Variants in SOX5 observed in about 807,000 individuals in gnomAD.
The protein encoded by SOX5 is transcription factor SOX-5.
Under a neutral mutation model 92.0 loss-of-function variants are expected in SOX5, and 9 were observed. The ratio of observed to expected loss-of-function variants is 0.10; its 90% CI spans 0.06 to 0.17. SOX5 has a LOEUF of 0.17. Ranked by LOEUF, SOX5 falls within the 10% of genes least tolerant of loss-of-function variation. The pLI is 1.00. For missense variants in SOX5, 642 were observed against 944.5 expected (o/e 0.68, Z 4.20); for synonymous variants, 344 against 336.3 (o/e 1.02, Z -0.25).
intron 1 of SOX5, among the ~76,000 whole-genome samples, chr12:24,488,872 A>G (rs889049234): frequency 3.9e-5 from 6 of 152,232 alleles, no homozygotes; most frequent in Non-Finnish European, 7.3e-5. Flanking sequence ...TCCACAAAGC[A>G]TCACAAGTTA....
intron 2 of SOX5, among the ~76,000 whole-genome samples, chr12:24,356,508 C>T (rs548844621): frequency 6.6e-5 from 10 of 152,132 alleles, no homozygotes; most frequent in Admixed American, 3.9e-4. Context: ...GCTGAAATAA[C>T]GAAATAAAAC....
At chr12:24,005,215 T>G (rs776392726) in intron 4 of SOX5, among the ~76,000 whole-genome samples, 2 of 151,970 alleles carry the variant, frequency 1.3e-5, no homozygotes, top group Non-Finnish European at 2.9e-5. Context: ...ATTGTATACA[T>G]AAAATTGGTG....
chr12:24,503,195 G>T (rs1384316308), intron 1 of SOX5, among the ~76,000 whole-genome samples: 4 of 152,092 alleles, frequency 2.6e-5, no homozygotes, highest in African/African-American at 9.7e-5. Context: ...ACAAAAAAAA[G>T]TATTATCTCT....
intron 4 of SOX5, among the ~76,000 whole-genome samples, chr12:24,087,386 C>A (rs1944130839): frequency 6.6e-6 from 1 of 152,030 alleles, no homozygotes; most frequent in East Asian, 1.9e-4. Flanking sequence ...TTGATTATGT[C>A]TCTTACCTTT....
intron 4 of SOX5, among the ~76,000 whole-genome samples, chr12:24,099,163 G>C (rs1209545617): frequency 6.6e-6 from 1 of 152,080 alleles, no homozygotes; most frequent in East Asian, 1.9e-4. Flanking sequence ...TTTTCTTTCT[G>C]TAATAATCCA....
At chr12:24,174,520 GA>G (rs776322517) in intron 4 of SOX5, among the ~76,000 whole-genome samples, 10 of 147,390 alleles carry the variant, frequency 6.8e-5, no homozygotes, top group South Asian at 6.5e-4. Flanking sequence ...GTGGGGGGGG[GA>G]ACCCACAAAA....
intron 6 of SOX5, among the ~76,000 whole-genome samples, chr12:23,702,105 C>G (rs957123858): frequency 3.9e-5 from 6 of 152,024 alleles, no homozygotes; most frequent in Non-Finnish European, 7.4e-5. Context: ...AGATTCATAT[C>G]TCTTATACGC....
At chr12:24,084,783 A>G (rs985554332) in intron 4 of SOX5, among the ~76,000 whole-genome samples, 4 of 152,104 alleles carry the variant, frequency 2.6e-5, no homozygotes, top group African/African-American at 4.8e-5. Flanking sequence ...CTGCCTTTTA[A>G]TAGTTGTTCT....
At position 23,543,381 on chromosome 12, in the gene SOX5, C is replaced by T. The variant is rs150895673; in HGVS notation, c.1601G>A (p.Ser534Asn). The T allele has an allele frequency of 5.6e-6, 9 of 1,612,874 alleles. No homozygotes were observed. Among genetic ancestry groups the T allele is most frequent in the Non-Finnish European group, 7.6e-6 (9 of 1,179,236 alleles). The change falls in exon 13 of 15, where the codon AGT (serine) becomes AAT (asparagine). Residue 534 changes from serine to asparagine, a missense_variant. By Grantham distance (46) the Ser-to-Asn change is conservative (BLOSUM62 1). Transcript: ENST00000451604. Reference sequence around the variant, plus strand: ...AATTCTTGACTCTGAGACTCCAGCACTTCCTGAAAACAGGAAACATCACTT... The same window carrying T: ...AATTCTTGACTCTGAGACTCCAGCATTTCCTGAAAACAGGAAACATCACTT... The part of the protein sequence containing the change: ...DFNLSGDSDG[S>N]AGVSESRIYR...
At chr12:24,244,902 G>C (rs79656110) in intron 3 of SOX5, among the ~76,000 whole-genome samples, 2,206 of 152,130 alleles carry the variant, frequency 0.015, 60 homozygotes, top group East Asian at 0.12. Flanking sequence ...TGTTGGTCAG[G>C]CTAGTCTCAA....
At position 24,013,814 on chromosome 12, in the gene SOX5, A is replaced by G. The variant is rs74533179; in HGVS notation, c.-1-117790T>C. ...AACAAATTAGAATGCTGTAGTTTAA[A>G]TGGTTTTCATAGATTTCTAAGACCA... On this transcript the variant is annotated intron_variant, in intron 4 of 4. Coordinates refer to the SOX5 transcript ENST00000446891. Among the ~76,000 whole-genome samples the G allele has an allele frequency of 6.1e-3, 931 of 152,342 alleles. 14 individuals carry two copies. The highest frequency in any genetic ancestry group is 0.02 in the African/African-American group (824 of 41,586).
intron 4 of SOX5, among the ~76,000 whole-genome samples, chr12:24,166,102 G>T (rs1953376033): frequency 6.6e-6 from 1 of 152,100 alleles, no homozygotes; most frequent in African/African-American, 2.4e-5. Flanking sequence ...AACGTAGAAA[G>T]GAGAAGGGAA....
chr12:24,526,931 AC>A (rs760732218), intron 1 of SOX5, among the ~76,000 whole-genome samples: 4 of 151,218 alleles, frequency 2.6e-5, no homozygotes, highest in African/African-American at 4.9e-5. Context: ...TGATTATGCC[AC>A]CTCAGCCTCC....
intron 4 of SOX5, among the ~76,000 whole-genome samples, chr12:24,116,820 T>C (rs1948055450): frequency 6.6e-6 from 1 of 152,182 alleles, no homozygotes; most frequent in East Asian, 1.9e-4. Context: ...GCATGTATTA[T>C]TTTGATGACA....
At position 23,530,818 on chromosome 12, in the gene SOX5, T is replaced by TGTGTGTGTGTGTGTGTGCGCGCGCGCGC; in HGVS notation, c.*3400_*3401insGCGCGCGCGCGCACACACACACACACAC. The stretch of plus-strand genomic sequence containing the variant: ...GGGCAAGTGTGTGTGTGTGTGTGTG[T>TGTGTGTGTGTGTGTGTGCGCGCGCGCGC]GCGCGCGCGCGCGCGCGCATGTGAG... On this transcript the variant is annotated 3_prime_UTR_variant, in exon 15 of 15. Transcript: ENST00000451604. 9.8e-5 allele frequency: 13 copies of TGTGTGTGTGTGTGTGTGCGCGCGCGCGC among 132,108 alleles called. No homozygotes were observed. The East Asian group carries it at 1.0e-3, about 10-fold the overall frequency. 8.2% of individuals were successfully genotyped at this position (132,108 alleles called of 1,614,324 possible).
intron 2 of SOX5, among the ~76,000 whole-genome samples, chr12:24,294,259 T>C (rs1595279463): frequency 6.6e-6 from 1 of 151,864 alleles, no homozygotes; most frequent in South Asian, 2.1e-4. Context: ...TGTTTACAGC[T>C]GCCTCATCAG....
rs67253622 is a variant in SOX5 at position 23,979,698 on chromosome 12, G to GTTTTTTTTTTTTTTTTTTTTTTTTT, written c.-1-83675_-1-83674insAAAAAAAAAAAAAAAAAAAAAAAAA. Among the ~76,000 whole-genome samples, 45 of 64,704 alleles carry GTTTTTTTTTTTTTTTTTTTTTTTTT rather than the reference G, an allele frequency of 7.0e-4. 18 individuals carry two copies. The East Asian group carries it at 0.013, about 19-fold the overall frequency. The allele number at this position is 64,704 out of a possible 152,430, so 42.4% of individuals were successfully genotyped here. A position where few individuals can be genotyped will look rare whatever the true frequency, so the allele number is the denominator to read the frequency against. ...TTCTTCCTTCCATATATATATATAT[G>GTTTTTTTTTTTTTTTTTTTTTTTTT]TTTTTTTTGTTTTTTTTTTTTTTTT... On this transcript the variant is annotated intron_variant, in intron 4 of 4. Coordinates refer to the SOX5 transcript ENST00000446891.
chr12:24,408,095 T>C (rs1298299771), intron 1 of SOX5, among the ~76,000 whole-genome samples: 2 of 152,146 alleles, frequency 1.3e-5, no homozygotes, highest in Non-Finnish European at 2.9e-5. Flanking sequence ...AAATGGCAAG[T>C]ACAAAGGCCT....
chr12:23,868,826 CTAAA>C (rs1568479788), intron 2 of SOX5, among the ~76,000 whole-genome samples: 1 of 151,974 alleles, frequency 6.6e-6, no homozygotes, highest in Non-Finnish European at 1.5e-5. Flanking sequence ...TGAGTATAAA[CTAAA>C]TAATAAATTG....
Sources: gnomAD v4.1 joint callset for allele counts (sites outside exome capture counted in the v4.1 genomes callset) on GRCh38, gnomAD v4.1.1 for gene constraint, MANE v1.5 for transcripts, NCBI Gene and HGNC (gene_info 2026-07-23, HGNC 2026-07-21) for gene names.